Variants in MON1A observed in about 807,000 individuals in gnomAD.
The protein encoded by MON1A is vacuolar fusion protein MON1 homolog A.
Under a neutral mutation model 44.6 loss-of-function variants are expected in MON1A, and 29 were observed. That is an observed-to-expected ratio of 0.65 (90% CI 0.48 to 0.89). The LOEUF (loss-of-function observed/expected upper bound fraction) is 0.89, where lower values mean the gene tolerates loss of function less well. MON1A is among the 40% of genes least tolerant of loss of function. The pLI is 0.00. For synonymous variants in MON1A, 275 were observed against 316.4 expected (o/e 0.87, Z 1.39); for missense variants, 615 against 759.6 (o/e 0.81, Z 2.24).
intron 1 of MON1A, among the ~76,000 whole-genome samples, chr3:49,913,658 G>GTCTTTTTTTTTTTTTT (rs1559493127): frequency 1.6e-5 from 2 of 121,446 alleles, no homozygotes; most frequent in African/African-American, 6.4e-5. Flanking sequence ...TTTCCTTCTA[G>GTCTTTTTTTTTTTTTT]TATTTTTTTT....
chr3:49,927,669 T>G (rs1423849135), intron 1 of MON1A, among the ~76,000 whole-genome samples: 1 of 152,044 alleles, frequency 6.6e-6, no homozygotes, highest in Non-Finnish European at 1.5e-5. Context: ...GGCTAACTGG[T>G]TGTTCACTGG....
Position 49,910,897 on chromosome 3 carries a change from C to G in MON1A, c.614-13G>C. ...ACCTTGTAGCCATCTGAGAGCGGGACAGGAAAGAAGGATGTCAGCCTCAGC... is the reference window on the plus strand; with the variant it reads ...ACCTTGTAGCCATCTGAGAGCGGGAGAGGAAAGAAGGATGTCAGCCTCAGC... On this transcript the variant is annotated splice_polypyrimidine_tract_variant and intron_variant, in intron 3 of 5. Transcript: ENST00000296473. The surrounding 1 kb of genome is among the most constrained non-coding windows in gnomAD (Gnocchi z 8.0). 6.3e-7 allele frequency: 1 copy of G among 1,580,488 alleles called. No homozygotes were observed. Among genetic ancestry groups the G allele is most frequent in the East Asian group, 2.3e-5 (1 of 44,242 alleles).
intron 1 of MON1A, among the ~76,000 whole-genome samples, chr3:49,914,437 G>A (rs1575473721): frequency 1.3e-5 from 2 of 151,406 alleles, no homozygotes; most frequent in African/African-American, 4.9e-5. Flanking sequence ...GCAGTGGCGT[G>A]ATCTTGGCTC....
chr3:49,910,430 C>G lies in MON1A; in HGVS notation c.1068G>C (p.Ser356=), dbSNP rs374746320. 7.4e-5 allele frequency: 119 copies of G among 1,614,180 alleles called. 1 individual carries two copies. Among genetic ancestry groups the G allele is most frequent in the South Asian group, 5.3e-4 (48 of 91,090 alleles). ...HLLFNLISSS[S]SFREGEAWTP... ...TCCAGGCCTCGCCCTCGCGAAAGGA[C>G]GAGGAGGAACTAATGAGGTTGAAGA... The change falls in exon 4 of 6, where the codon TCG becomes TCC. Residue 356 remains serine (S), a synonymous_variant. Coordinates refer to ENST00000296473, the MANE Select transcript of MON1A (RefSeq NM_032355.4). The surrounding 1 kb of genome is among the most constrained non-coding windows in gnomAD (Gnocchi z 8.0).
Position 49,911,891 on chromosome 3 carries a change from A to G in MON1A, c.248T>C (p.Leu83Pro). 6.2e-7 allele frequency: 1 copy of G among 1,614,078 alleles called. No homozygotes were observed. Among genetic ancestry groups the G allele is most frequent in the Non-Finnish European group, 8.5e-7 (1 of 1,180,006 alleles). The change falls in exon 3 of 6, where the codon CTG becomes CCG. Residue 83 changes from leucine (L) to proline (P), a missense_variant. Transcript: ENST00000296473. This position sits in a 1 kb window ranked among gnomAD's most constrained non-coding sequence, Gnocchi z 5.7. ...GCTGATCTGGCGCATGTCTGTAGGC[A>G]GCGGCGGGGGACCCCTGGTACCCTC... ...HKEGTRGPPP[L>P]PTDMRQISQD... is the part of the protein sequence containing the mutation.
At position 49,911,929 on chromosome 3, in the gene MON1A, C is replaced by T. The variant is rs769062398; in HGVS notation, c.210G>A (p.Gly70=). 46 of 1,613,484 alleles carry T rather than the reference C, an allele frequency of 2.9e-5. No individual in the cohort carries two copies. The East Asian group carries it at 1.0e-3, about 35-fold the overall frequency. The change falls in exon 3 of 6, where the codon GGG becomes GGA. Residue 70 remains glycine (G), a synonymous_variant. Coordinates refer to ENST00000296473, the MANE Select transcript of MON1A (RefSeq NM_032355.4). The surrounding 1 kb of genome is among the most constrained non-coding windows in gnomAD (Gnocchi z 5.7). ...LTESEDGAAS[G]DSHKEGTRGP... is the part of the protein sequence containing the mutation. Reference sequence around the variant, plus strand: ...CCCTGGTACCCTCCTTGTGGCTGTCCCCAGAAGCTGCCCCATCCTCTGACT... The same window carrying T: ...CCCTGGTACCCTCCTTGTGGCTGTCTCCAGAAGCTGCCCCATCCTCTGACT...
Position 49,910,449 on chromosome 3 carries a change from T to A in MON1A, c.1049A>T (p.Asn350Ile). 6 of 1,614,166 alleles carry A rather than the reference T, an allele frequency of 3.7e-6. No individual in the cohort carries two copies. Among genetic ancestry groups the A allele is most frequent in the Non-Finnish European group, 5.1e-6 (6 of 1,180,028 alleles). ...AAAGGACGAGGAGGAACTAATGAGG[T>A]TGAAGAGCAGGTGCAGGTCGATGGG... ...LHPIDLHLLF[N>I]LISSSSSFRE... Residue 350 changes from asparagine to isoleucine, a missense_variant, in exon 4 of 6, where the codon AAC becomes ATC. Asn to Ile is a moderately radical substitution (Grantham distance 149, BLOSUM62 -3). Coordinates refer to ENST00000296473, the MANE Select transcript of MON1A (RefSeq NM_032355.4). This position sits in a 1 kb window ranked among gnomAD's most constrained non-coding sequence, Gnocchi z 8.0.
Position 49,910,467 on chromosome 3 carries a change from T to A in MON1A, c.1031A>T (p.Asp344Val). Reference protein sequence around the residue: ...RRKDQFLHPIDLHLLFNLISS... With the variant: ...RRKDQFLHPIVLHLLFNLISS... ...AATGAGGTTGAAGAGCAGGTGCAGGTCGATGGGGTGCAGAAATTGGTCCTT... is the reference window on the plus strand; with the variant it reads ...AATGAGGTTGAAGAGCAGGTGCAGGACGATGGGGTGCAGAAATTGGTCCTT... The change falls in exon 4 of 6, where the codon GAC (aspartate) becomes GTC (valine). Residue 344 changes from aspartate to valine, a missense_variant. Coordinates refer to ENST00000296473, the MANE Select transcript of MON1A (RefSeq NM_032355.4). The surrounding 1 kb of genome is among the most constrained non-coding windows in gnomAD (Gnocchi z 8.0). 1 of 1,614,084 alleles carries A rather than the reference T, an allele frequency of 6.2e-7. No individual in the cohort carries two copies. The highest frequency in any genetic ancestry group is 8.5e-7 in the Non-Finnish European group (1 of 1,179,998).
rs182129344 is a variant in MON1A, at chr3:49,920,245, C to T, written c.-13-6886G>A. ...CCTCTCTCTTGAAACATTTTCTCCT[C>T]TTTTATGGCATACCACTCCTTTCTT... On this transcript the variant is annotated intron_variant, in intron 1 of 5. Coordinates refer to ENST00000296473, the MANE Select transcript of MON1A (RefSeq NM_032355.4). 7.2e-4 allele frequency among the ~76,000 whole-genome samples: 110 copies of T among 152,282 alleles called. 1 individual carries two copies. Among genetic ancestry groups the T allele is most frequent in the African/African-American group, 2.6e-3 (106 of 41,560 alleles).
chr3:49,909,102 G>A lies in MON1A; in HGVS notation c.1580C>T (p.Ala527Val), dbSNP rs1238696495. 10 of 1,613,464 alleles carry A rather than the reference G, an allele frequency of 6.2e-6. No homozygotes were observed. In the East Asian group the frequency reaches 8.9e-5, roughly 14 times the overall value. ...YMCYSPLGTK[A>V]SAVSAIHKLM... ...CTTATGGATGGCACTGACGGCTGAC[G>A]CCTTGGTCCCCAGGGGGCTGTAACA... Residue 527 changes from alanine (A) to valine (V), a missense_variant, in exon 6 of 6, where the codon GCG becomes GTG. Transcript: ENST00000296473. This position sits in a 1 kb window ranked among gnomAD's most constrained non-coding sequence, Gnocchi z 4.0.
chr3:49,911,406 G>A lies in MON1A; in HGVS notation c.613+120C>T. ...GAGGACCTTGAAGCTCAGAGAGGTA[G>A]AGGGACTTACCCTCAGTCACACAGC... is the stretch of plus-strand genomic sequence containing the variant. On this transcript the variant is annotated intron_variant, in intron 3 of 5. Coordinates refer to ENST00000296473, the MANE Select transcript of MON1A (RefSeq NM_032355.4). The surrounding 1 kb of genome is among the most constrained non-coding windows in gnomAD (Gnocchi z 5.7). 11 of 1,404,766 alleles carry A rather than the reference G, an allele frequency of 7.8e-6. No homozygotes were observed. The highest frequency in any genetic ancestry group is 6.9e-5 in the Admixed American group (3 of 43,692). 87.0% of individuals were successfully genotyped at this position (1,404,766 alleles called of 1,614,324 possible). A position where few individuals can be genotyped will look rare whatever the true frequency, so the allele number is the denominator to read the frequency against.
chr3:49,928,064 G>A (rs2083064964), intron 1 of MON1A, among the ~76,000 whole-genome samples: 1 of 152,184 alleles, frequency 6.6e-6, no homozygotes, highest in African/African-American at 2.4e-5. Context: ...GGCTTTAGCT[G>A]ACTAAGCCCA....
intron 1 of MON1A, chr3:49,929,275 C>A: frequency 2.5e-6 from 1 of 406,052 alleles, no homozygotes; most frequent in Non-Finnish European, 4.5e-6. Flanking sequence ...CCGCTCATCC[C>A]AGTTACCTCT....
chr3:49,918,154 TG>T (rs2082963855), intron 1 of MON1A, among the ~76,000 whole-genome samples: 1 of 151,878 alleles, frequency 6.6e-6, no homozygotes. Context: ...CTGACTAACA[TG>T]GTGAAACCCC....
intron 1 of MON1A, among the ~76,000 whole-genome samples, chr3:49,913,868 T>G (rs1184536433): frequency 6.6e-6 from 1 of 151,678 alleles, no homozygotes; most frequent in African/African-American, 2.4e-5. Flanking sequence ...TTCACCATGT[T>G]GGCCAGGCTG....
chr3:49,915,522 C>T (rs761329845), intron 1 of MON1A, among the ~76,000 whole-genome samples: 5 of 152,254 alleles, frequency 3.3e-5, no homozygotes, highest in Non-Finnish European at 7.4e-5. Flanking sequence ...GAGTGAGACC[C>T]TGTCTCAAAA....
At chr3:49,912,927 T>G in intron 2 of MON1A, 1 of 520,250 alleles carries the variant, frequency 1.9e-6, no homozygotes, top group South Asian at 1.9e-5. Context: ...AGAGCAGGCC[T>G]AACTCGTGAG....
At chr3:49,913,196 C>T in intron 2 of MON1A, 24 bp downstream of exon 2, 1 of 1,614,236 alleles carries the variant, frequency 6.2e-7, no homozygotes, top group Non-Finnish European at 8.5e-7. Context: ...TGGCAGCTGG[C>T]TGAGGCTGTA....
In MON1A at chr3:49,910,274, G is replaced by A; in HGVS notation, c.1224C>T (p.Asp408=). 6.2e-7 allele frequency: 1 copy of A among 1,614,132 alleles called. No individual in the cohort carries two copies. Among genetic ancestry groups the A allele is most frequent in the South Asian group, 1.1e-5 (1 of 91,092 alleles). ...GGCGCTCCTGGAAGCGGCGGCGGCA[G>A]TCAGAGACTGCAAAGAAGTCCTCAC... ...TDREDFFAVS[D]CRRRFQERLR... Residue 408 remains aspartate (D), a synonymous_variant, in exon 4 of 6, where the codon GAC becomes GAT. Transcript: ENST00000296473. The surrounding 1 kb of genome is among the most constrained non-coding windows in gnomAD (Gnocchi z 8.0).
Sources: allele counts gnomAD v4.1 joint callset (sites outside exome capture counted in the v4.1 genomes callset), GRCh38; gene constraint gnomAD v4.1.1; non-coding constraint Gnocchi (gnomAD v3.1); transcripts MANE v1.5; gene names NCBI Gene and HGNC (gene_info 2026-07-23, HGNC 2026-07-21).